TMEM117: variants seen among roughly 807,000 people sequenced by gnomAD.
The protein encoded by TMEM117 is transmembrane protein 117.
In TMEM117, 27 loss-of-function variants were observed where a neutral mutation model predicts 52.4. That is an observed-to-expected ratio of 0.51 (90% CI 0.38 to 0.71). TMEM117 has a LOEUF of 0.71. Among genes scored for constraint, TMEM117 ranks in the 30% least tolerant of loss-of-function variants. TMEM117 has a pLI of 0.00. For missense variants in TMEM117, 556 were observed against 630.5 expected (o/e 0.88, Z 1.26); for synonymous variants, 215 against 206.3 (o/e 1.04, Z -0.36).
At chr12:44,219,109 A>G (rs909159486) in intron 5 of TMEM117, among the ~76,000 whole-genome samples, 6 of 152,192 alleles carry the variant, frequency 3.9e-5, no homozygotes, top group African/African-American at 1.4e-4. Flanking sequence ...AAGGAAGACA[A>G]AATATCCAGG....
At chr12:44,114,357 A>G (rs1220212471) in intron 3 of TMEM117, among the ~76,000 whole-genome samples, 1 of 152,234 alleles carries the variant, frequency 6.6e-6, no homozygotes, top group Non-Finnish European at 1.5e-5. Context: ...CTATGGAAAT[A>G]AAACGATTTT....
chr12:44,138,540 C>T (rs1387639544), intron 3 of TMEM117, among the ~76,000 whole-genome samples: 1 of 152,078 alleles, frequency 6.6e-6, no homozygotes, highest in African/African-American at 2.4e-5. Context: ...ACTCTGTCTC[C>T]CGTCTTCTTA....
chr12:44,152,383 T>C (rs1365289392), intron 4 of TMEM117, among the ~76,000 whole-genome samples: 2 of 111,508 alleles, frequency 1.8e-5, no homozygotes, highest in Non-Finnish European at 3.2e-5. Context: ...TATAAATTTA[T>C]ATATTTATAT....
chr12:44,131,229 C>T (rs1449373303), intron 3 of TMEM117, among the ~76,000 whole-genome samples: 1 of 152,110 alleles, frequency 6.6e-6, no homozygotes, highest in Non-Finnish European at 1.5e-5. Context: ...TACTCTGCCT[C>T]ATTGAGGTTT....
At chr12:43,848,996 G>A (rs1943260318) in intron 2 of TMEM117, among the ~76,000 whole-genome samples, 1 of 152,166 alleles carries the variant, frequency 6.6e-6, no homozygotes, top group Non-Finnish European at 1.5e-5. Context: ...TGTTGTAACA[G>A]AAGTAAACCA....
intron 3 of TMEM117, among the ~76,000 whole-genome samples, chr12:43,958,475 A>G (rs547840998): frequency 6.6e-6 from 1 of 152,318 alleles, no homozygotes; most frequent in South Asian, 2.1e-4. Context: ...AGAGAAATTG[A>G]GAAATAAGAC....
chr12:43,896,149 C>A (rs1461280508), intron 2 of TMEM117, among the ~76,000 whole-genome samples: 1 of 152,182 alleles, frequency 6.6e-6, no homozygotes, highest in Non-Finnish European at 1.5e-5. Flanking sequence ...TATTGACCAT[C>A]ACAATATTTA....
rs969224200 is a variant in TMEM117 at position 44,363,357 on chromosome 12, G to T, written c.769-13238G>T. On this transcript the variant is annotated intron_variant, in intron 6 of 7. Transcript: ENST00000266534. ...GATCATTGAATAGTGGTCATTGTTA[G>T]AACAGTGCATCAATTACAGTACCCA... is the stretch of plus-strand genomic sequence containing the variant. Among the ~76,000 whole-genome samples the T allele has an allele frequency of 2.0e-5, 3 of 152,168 alleles. No individual in the cohort carries two copies. The South Asian group carries it at 6.2e-4, about 32-fold the overall frequency.
the TMEM117 span, among the ~76,000 whole-genome samples, chr12:43,813,231 G>GTTTTTTTTTTTTTTTT: frequency 2.1e-4 from 13 of 62,664 alleles, 2 homozygotes; most frequent in Non-Finnish European, 3.2e-4. Flanking sequence ...GTTTTCTCTT[G>GTTTTTTTTTTTTTTTT]TTTTTTTTTT....
intron 6 of TMEM117, among the ~76,000 whole-genome samples, chr12:44,332,363 G>A (rs796968218): frequency 5.3e-5 from 8 of 152,140 alleles, no homozygotes; most frequent in African/African-American, 1.7e-4. Flanking sequence ...GAATAACAAA[G>A]CCAGTCTTTG....
chr12:43,801,541 A>G, the TMEM117 span, among the ~76,000 whole-genome samples: 1 of 152,182 alleles, frequency 6.6e-6, no homozygotes, highest in Admixed American at 6.5e-5. Context: ...TATACAGTCA[A>G]TCTACTACCA....
At chr12:44,379,453 A>C (rs187433471) in intron 7 of TMEM117, among the ~76,000 whole-genome samples, 223 of 152,326 alleles carry the variant, frequency 1.5e-3, no homozygotes, top group Non-Finnish European at 2.6e-3. Context: ...GTTTGTTCAC[A>C]TGCATCCACA....
intron 6 of TMEM117, among the ~76,000 whole-genome samples, chr12:44,322,217 G>A (rs1054213157): frequency 6.6e-6 from 1 of 152,140 alleles, no homozygotes; most frequent in Non-Finnish European, 1.5e-5. Flanking sequence ...GCATGGCTCG[G>A]GTATTAGTTC....
At chr12:44,337,898 A>G (rs1951363089) in intron 6 of TMEM117, among the ~76,000 whole-genome samples, 1 of 152,072 alleles carries the variant, frequency 6.6e-6, no homozygotes, top group South Asian at 2.1e-4. Context: ...TCCATTGCAA[A>G]CTGTAGAACA....
In TMEM117 at chr12:43,916,590, C is replaced by T. The variant is rs1944606947; in HGVS notation, c.278-27620C>T. ...TTCACAGGATGCTGCCTTTATTTTACTACTTATATCACTCTGATGTGAACG... is the reference window on the plus strand; with the variant it reads ...TTCACAGGATGCTGCCTTTATTTTATTACTTATATCACTCTGATGTGAACG... On this transcript the variant is annotated intron_variant, in intron 2 of 7. Coordinates refer to ENST00000266534, the MANE Select transcript of TMEM117 (RefSeq NM_032256.3). 2.0e-5 allele frequency among the ~76,000 whole-genome samples: 3 copies of T among 152,260 alleles called. No individual in the cohort carries two copies. The South Asian group carries it at 6.2e-4, about 32-fold the overall frequency.
At chr12:44,174,907 G>A (rs1003526169) in intron 4 of TMEM117, among the ~76,000 whole-genome samples, 2 of 152,186 alleles carry the variant, frequency 1.3e-5, no homozygotes, top group African/African-American at 4.8e-5. Flanking sequence ...AAGAGAGGCA[G>A]TGGCAACGGG....
At chr12:44,210,793 G>T (rs1322810610) in intron 4 of TMEM117, among the ~76,000 whole-genome samples, 4 of 152,070 alleles carry the variant, frequency 2.6e-5, no homozygotes, top group Non-Finnish European at 5.9e-5. Flanking sequence ...AGAATTGTGG[G>T]TGAGAGAATG....
At chr12:44,045,509 C>T (rs1468991261) in intron 3 of TMEM117, among the ~76,000 whole-genome samples, 1 of 152,218 alleles carries the variant, frequency 6.6e-6, no homozygotes, top group Non-Finnish European at 1.5e-5. Flanking sequence ...GTATTCCACA[C>T]AGCATTGCCT....
At chr12:44,025,741 C>G (rs1300353239) in intron 3 of TMEM117, among the ~76,000 whole-genome samples, 1 of 152,060 alleles carries the variant, frequency 6.6e-6, no homozygotes, top group East Asian at 1.9e-4. Flanking sequence ...AGGAACATTT[C>G]TAGAGAAAAT....
Sources: allele counts gnomAD v4.1 joint callset (sites outside exome capture counted in the v4.1 genomes callset), GRCh38; gene constraint gnomAD v4.1.1; transcripts MANE v1.5; gene names NCBI Gene and HGNC (gene_info 2026-07-23, HGNC 2026-07-21).